Variants in SEC14L5 observed in about 807,000 individuals in gnomAD.
The protein encoded by SEC14L5 is SEC14-like protein 5.
A neutral mutation model predicts 84.6 loss-of-function variants in SEC14L5; 96 were observed. The ratio of observed to expected loss-of-function variants is 1.13; its 90% CI spans 0.96 to 1.34. The LOEUF (loss-of-function observed/expected upper bound fraction) is 1.34. SEC14L5 is among the 40% of genes most tolerant of loss of function. SEC14L5 has a pLI of 0.00. For missense variants in SEC14L5, 1,224 were observed against 942.5 expected, an observed-to-expected ratio of 1.30 and a Z score of -3.91; for synonymous variants, 546 against 383.4, an observed-to-expected ratio of 1.42 and a Z score of -4.95.
chr16:4,983,373 A>C (rs1271854250), intron 2 of SEC14L5, among the ~76,000 whole-genome samples: 1 of 150,938 alleles, frequency 6.6e-6, no homozygotes, highest in East Asian at 1.9e-4. Context: ...ATATATTTAC[A>C]TGGGTACATT....
intron 10 of SEC14L5, 66 bp from the exon 11 acceptor site, chr16:5,003,335 TG>T (rs1328789099): frequency 7.3e-6 from 9 of 1,228,484 alleles, no homozygotes; most frequent in African/African-American, 3.0e-5. Flanking sequence ...TCATCCCCTG[TG>T]GGGAGGGTGT....
chr16:5,005,837 C>A, intron 11 of SEC14L5, 77 bp from the exon 12 acceptor site: 3 of 1,425,176 alleles, frequency 2.1e-6, no homozygotes, highest in Non-Finnish European at 2.8e-6. Context: ...GCACTCCAGC[C>A]TGGGCGACTG....
chr16:4,988,683 A>G (rs993610645), intron 4 of SEC14L5, among the ~76,000 whole-genome samples: 2 of 152,112 alleles, frequency 1.3e-5, no homozygotes, highest in African/African-American at 4.8e-5. Flanking sequence ...CATGCCTACT[A>G]CACAGGTAGT....
intron 2 of SEC14L5, among the ~76,000 whole-genome samples, chr16:4,964,738 T>G (rs1272517480): frequency 6.6e-6 from 1 of 151,628 alleles, no homozygotes. Context: ...GCCCCACCTC[T>G]TCTTCTTTTT....
At position 4,996,440 on chromosome 16, in the gene SEC14L5, C is replaced by T. The variant is rs1955610343; in HGVS notation, c.760C>T (p.Gln254Ter). Residue 254 changes from glutamine to a stop codon, truncating the protein, a stop_gained, in exon 7 of 16, where the codon CAG (glutamine) becomes TAG (stop). Coordinates refer to ENST00000251170, the MANE Select transcript of SEC14L5 (RefSeq NM_014692.2). LOFTEE classifies it high-confidence loss of function. ...CCTGATCCAGCTTCGGCACTGGTTA[C>T]AGGAGACCCACAAAGGCAAGGTGGG... ...SCLIQLRHWL[Q>*]ETHKGKIPKD... 1 of 1,569,002 alleles carries T rather than the reference C, an allele frequency of 6.4e-7. No individual in the cohort carries two copies. Among genetic ancestry groups the T allele is most frequent in the East Asian group, 2.4e-5 (1 of 42,078 alleles).
chr16:4,999,335 T>G (rs1042767166), intron 8 of SEC14L5, among the ~76,000 whole-genome samples: 1 of 152,178 alleles, frequency 6.6e-6, no homozygotes, highest in Middle Eastern at 3.2e-3. Context: ...CCGGGCGCAG[T>G]GGCTCACACC....
chr16:4,988,456 T>A (rs1055547994), intron 4 of SEC14L5, among the ~76,000 whole-genome samples, 176 bp downstream of exon 4: 7 of 152,262 alleles, frequency 4.6e-5, no homozygotes, highest in African/African-American at 1.2e-4. Flanking sequence ...GAACAACCCA[T>A]AATTTTTTTA....
chr16:4,970,963 C>G (rs936584231), intron 2 of SEC14L5, among the ~76,000 whole-genome samples: 2 of 152,116 alleles, frequency 1.3e-5, no homozygotes, highest in African/African-American at 4.8e-5. Flanking sequence ...CAAAAATTAG[C>G]TGGGCGTGAC....
At chr16:4,998,212 G>A (rs941011188) in intron 8 of SEC14L5, among the ~76,000 whole-genome samples, 1 of 151,136 alleles carries the variant, frequency 6.6e-6, no homozygotes, top group Non-Finnish European at 1.5e-5. Flanking sequence ...CACCATGTTG[G>A]CCAGGCTGTT....
chr16:4,962,686 CAAA>C (rs761644374), intron 2 of SEC14L5, among the ~76,000 whole-genome samples: 2 of 81,286 alleles, frequency 2.5e-5, no homozygotes, highest in Non-Finnish European at 2.4e-5. Flanking sequence ...AACTCTGTCT[CAAA>C]AAAAAAAAAA....
At chr16:4,964,263 C>T (rs2142471520) in intron 2 of SEC14L5, among the ~76,000 whole-genome samples, 1 of 152,160 alleles carries the variant, frequency 6.6e-6, no homozygotes, top group East Asian at 1.9e-4. Context: ...TGAGTCGAGT[C>T]TAGGTTATTT....
intron 10 of SEC14L5, among the ~76,000 whole-genome samples, chr16:5,001,501 C>T (rs559949145): frequency 6.6e-5 from 10 of 152,208 alleles, no homozygotes; most frequent in South Asian, 4.2e-4. Flanking sequence ...CCTCGTGATC[C>T]GCCTGCCTCG....
At chr16:5,007,994 G>A (rs1424350687) in intron 13 of SEC14L5, among the ~76,000 whole-genome samples, 2 of 143,604 alleles carry the variant, frequency 1.4e-5, no homozygotes, top group Non-Finnish European at 3.0e-5. Flanking sequence ...TGCAACTTCT[G>A]CCTCCCAGGT....
At chr16:5,009,214 G>C (rs901256970) in intron 14 of SEC14L5, among the ~76,000 whole-genome samples, 2 of 152,190 alleles carry the variant, frequency 1.3e-5, no homozygotes, top group African/African-American at 2.4e-5. Context: ...GTCTTTAAAG[G>C]GGTTTCTTCT....
Position 4,971,950 on chromosome 16 carries a change from C to CAAACAAACAAACAAACAA in SEC14L5, c.63+12564_63+12565insAAACAAACAAACAAACAA, listed in dbSNP as rs1188739115. Among the ~76,000 whole-genome samples, 5 of 151,950 alleles carry CAAACAAACAAACAAACAA rather than the reference C, an allele frequency of 3.3e-5. No homozygotes were observed. The East Asian group carries it at 7.7e-4, about 23-fold the overall frequency. ...GGCATTGAGACTGTAAACAAACAAA[C>CAAACAAACAAACAAACAA]GCAGACATAATGTCCTATTCCAAAC... On this transcript the variant is annotated intron_variant, in intron 2 of 15. Coordinates refer to ENST00000251170, the MANE Select transcript of SEC14L5 (RefSeq NM_014692.2).
At chr16:4,993,184 A>G (rs1305357265) in intron 6 of SEC14L5, among the ~76,000 whole-genome samples, 1 of 152,108 alleles carries the variant, frequency 6.6e-6, no homozygotes, top group Non-Finnish European at 1.5e-5. Flanking sequence ...CTGGGACTAT[A>G]TAGGCACAGG....
chr16:5,013,221 C>G (rs1350286533), intron 15 of SEC14L5, among the ~76,000 whole-genome samples: 1 of 152,122 alleles, frequency 6.6e-6, no homozygotes, highest in East Asian at 1.9e-4. Flanking sequence ...CAAACCGTAT[C>G]AGCCACCCAG....
At chr16:4,967,285 A>G (rs561362154) in intron 2 of SEC14L5, among the ~76,000 whole-genome samples, 56 of 152,160 alleles carry the variant, frequency 3.7e-4, no homozygotes, top group Non-Finnish European at 6.0e-4. Flanking sequence ...CAGTCCTCAC[A>G]TAATGACTCA....
In SEC14L5 at chr16:5,011,258, C is replaced by T. The variant is rs1209335007; in HGVS notation, c.1964C>T (p.Ala655Val). 22 of 1,613,474 alleles carry T rather than the reference C, an allele frequency of 1.4e-5. No homozygotes were observed. The highest frequency in any genetic ancestry group is 1.8e-5 in the Non-Finnish European group (21 of 1,179,570). ...CKLLYYCEVL[A>V]SEDFRGSMSS... ...CTTCTCTACTACTGTGAGGTGCTCG[C>T]CTCTGAGGACTTCAGGTAGGAGGGC... The change falls in exon 15 of 16, where the codon GCC becomes GTC. Residue 655 changes from alanine (A) to valine (V), a missense_variant. Ala to Val is a moderately conservative substitution (Grantham distance 64, BLOSUM62 0). Coordinates refer to ENST00000251170, the MANE Select transcript of SEC14L5 (RefSeq NM_014692.2).
Sources: allele counts gnomAD v4.1 joint callset (sites outside exome capture counted in the v4.1 genomes callset), GRCh38; gene constraint gnomAD v4.1.1; transcripts MANE v1.5; gene names NCBI Gene and HGNC (gene_info 2026-07-23, HGNC 2026-07-21).